Variants in AGAP1 observed in about 807,000 individuals in gnomAD.
AGAP1 encodes arf-GAP with GTPase, ANK repeat and PH domain-containing protein 1.
Under a neutral mutation model 105.3 loss-of-function variants are expected in AGAP1, and 29 were observed. The ratio of observed to expected loss-of-function variants is 0.28; its 90% confidence interval spans 0.21 to 0.38. The LOEUF is 0.38. AGAP1 is among the 10% of genes least tolerant of loss of function. AGAP1 has a pLI of 1.00. For synonymous variants in AGAP1, 509 were observed against 485.9 expected (o/e 1.05, Z -0.63); for missense variants, 998 against 1,165.1 (o/e 0.86, Z 2.09).
Position 236,094,616 on chromosome 2 carries a change from C to T in AGAP1, c.2115-25576C>T, listed in dbSNP as rs143521548. Among the ~76,000 whole-genome samples, 22 of 152,094 alleles carry T rather than the reference C, an allele frequency of 1.4e-4. No individual in the cohort carries two copies. The East Asian group carries it at 3.9e-3, about 27-fold the overall frequency. On this transcript the variant is annotated intron_variant, in intron 16 of 17. Coordinates refer to ENST00000304032, the MANE Select transcript of AGAP1 (RefSeq NM_001037131.3). Reference sequence around the variant, plus strand: ...ATCCTCCCATCTTGACCTCCCAAAGCGCTGGAATTACAGGCATGAGCACTG... The same window carrying T: ...ATCCTCCCATCTTGACCTCCCAAAGTGCTGGAATTACAGGCATGAGCACTG...
At chr2:236,093,703 C>T (rs1391586345) in intron 16 of AGAP1, among the ~76,000 whole-genome samples, 2 of 152,100 alleles carry the variant, frequency 1.3e-5, no homozygotes, top group African/African-American at 4.8e-5. Context: ...ATATGGACCA[C>T]ATATCAGTGG....
intron 3 of AGAP1, among the ~76,000 whole-genome samples, chr2:235,727,298 C>T (rs185712031): frequency 7.9e-5 from 12 of 151,594 alleles, no homozygotes; most frequent in Non-Finnish European, 1.3e-4. Flanking sequence ...AACCCTGTGT[C>T]TTCAGGGTTT....
chr2:235,682,045 GT>G (rs2149401490), intron 1 of AGAP1, among the ~76,000 whole-genome samples: 1 of 151,970 alleles, frequency 6.6e-6, no homozygotes, highest in East Asian at 1.9e-4. Context: ...TAGAGACAGG[GT>G]TTCACCATGT....
chr2:235,538,028 G>C (rs1304314926), intron 1 of AGAP1, among the ~76,000 whole-genome samples: 1 of 152,142 alleles, frequency 6.6e-6, no homozygotes, highest in Non-Finnish European at 1.5e-5. Context: ...AATATGCGTG[G>C]TAGAGCCATT....
chr2:235,956,231 C>T (rs1270644905), intron 12 of AGAP1, among the ~76,000 whole-genome samples: 2 of 152,192 alleles, frequency 1.3e-5, no homozygotes, highest in East Asian at 3.9e-4. Context: ...TTCATTTCCA[C>T]CTAACAGCGC....
chr2:236,093,682 G>A (rs1024731500), intron 16 of AGAP1, among the ~76,000 whole-genome samples: 2 of 152,240 alleles, frequency 1.3e-5, no homozygotes, highest in Non-Finnish European at 2.9e-5. Flanking sequence ...GGATAATTTG[G>A]TGAAAACTGA....
In AGAP1 at chr2:236,090,502, G is replaced by A. The variant is rs1576280862; in HGVS notation, c.2115-29690G>A. The stretch of plus-strand genomic sequence containing the variant: ...GCCCCAAAGAGACTGTGAAGGGAGG[G>A]AACAGAGGCATGGAAAAGCAAACGG... On this transcript the variant is annotated intron_variant, in intron 16 of 17. Coordinates refer to ENST00000304032, the MANE Select transcript of AGAP1 (RefSeq NM_001037131.3). This position sits in a 1 kb window ranked among gnomAD's most constrained non-coding sequence, Gnocchi z 4.3. 6.6e-6 allele frequency among the ~76,000 whole-genome samples: 1 copy of A among 152,140 alleles called. No homozygotes were observed. The highest frequency in any genetic ancestry group is 1.5e-5 in the Non-Finnish European group (1 of 68,002).
rs1575190072 is a variant in AGAP1, at chr2:235,709,377, A to G, written c.222+140A>G. 12 of 981,000 alleles carry G rather than the reference A, an allele frequency of 1.2e-5. No homozygotes were observed. The East Asian group carries it at 2.9e-4, about 24-fold the overall frequency. 60.8% of individuals were successfully genotyped at this position (981,000 alleles called of 1,614,324 possible). On this transcript the variant is annotated intron_variant, in intron 2 of 17. Coordinates refer to ENST00000304032, the MANE Select transcript of AGAP1 (RefSeq NM_001037131.3). ...TCTGGGTGTGTTCCTGGGAAGGGCCAGGTATAGTTGATAGCTTGGGACTAG... is the reference window on the plus strand; with the variant it reads ...TCTGGGTGTGTTCCTGGGAAGGGCCGGGTATAGTTGATAGCTTGGGACTAG...
intron 13 of AGAP1, among the ~76,000 whole-genome samples, chr2:235,975,923 T>A (rs565412068): frequency 1.3e-5 from 2 of 152,352 alleles, no homozygotes; most frequent in Non-Finnish European, 2.9e-5. Flanking sequence ...TTAAACTTCC[T>A]TATTAGCAAA....
chr2:235,586,314 C>T lies in AGAP1; in HGVS notation c.163+91465C>T, dbSNP rs1234725392. 6.6e-6 allele frequency among the ~76,000 whole-genome samples: 1 copy of T among 152,180 alleles called. No individual in the cohort carries two copies. Among genetic ancestry groups the T allele is most frequent in the Non-Finnish European group, 1.5e-5 (1 of 68,036 alleles). On this transcript the variant is annotated intron_variant, in intron 1 of 17. Coordinates refer to ENST00000304032, the MANE Select transcript of AGAP1 (RefSeq NM_001037131.3). The surrounding 1 kb of genome is among the most constrained non-coding windows in gnomAD (Gnocchi z 4.2). ...CCACCCACTTTGCCCTCTGCACGCT[C>T]ACTCCACGAAGGATGCAGGTGGGCA...
At chr2:235,592,571 G>A (rs1272198949) in intron 1 of AGAP1, among the ~76,000 whole-genome samples, 1 of 152,150 alleles carries the variant, frequency 6.6e-6, no homozygotes, top group Admixed American at 6.5e-5. Flanking sequence ...CAGCCAATCA[G>A]GCCTTCCTTT....
chr2:235,753,333 T>G lies in AGAP1; in HGVS notation c.673+2845T>G, dbSNP rs557246224. Among the ~76,000 whole-genome samples the G allele has an allele frequency of 3.3e-5, 5 of 152,340 alleles. No homozygotes were observed. Among genetic ancestry groups the G allele is most frequent in the African/African-American group, 1.2e-4 (5 of 41,588 alleles). ...TGTCGCACCTCCCCAGGTGATGCTGTGATGAGTGTCCGTTTTCATGGGCAC... is the reference window on the plus strand; with the variant it reads ...TGTCGCACCTCCCCAGGTGATGCTGGGATGAGTGTCCGTTTTCATGGGCAC... On this transcript the variant is annotated intron_variant, in intron 6 of 17. Coordinates refer to ENST00000304032, the MANE Select transcript of AGAP1 (RefSeq NM_001037131.3). This position sits in a 1 kb window ranked among gnomAD's most constrained non-coding sequence, Gnocchi z 4.5.
rs149148713 is a variant in AGAP1 at position 235,963,323 on chromosome 2, G to A, written c.1484-5139G>A. The stretch of plus-strand genomic sequence containing the variant: ...ACGTGCCATTTTGATTTCCAGAAAC[G>A]TGAATTCTGAGCTAGATGCCAGTGA... On this transcript the variant is annotated intron_variant, in intron 12 of 17. Transcript: ENST00000304032. This position sits in a 1 kb window ranked among gnomAD's most constrained non-coding sequence, Gnocchi z 5.1. 8.2e-4 allele frequency among the ~76,000 whole-genome samples: 125 copies of A among 152,306 alleles called. No homozygotes were observed. The highest frequency in any genetic ancestry group is 2.8e-3 in the African/African-American group (116 of 41,564).
At chr2:235,925,463 G>A (rs933756862) in intron 11 of AGAP1, among the ~76,000 whole-genome samples, 1 of 152,104 alleles carries the variant, frequency 6.6e-6, no homozygotes, top group Non-Finnish European at 1.5e-5. Flanking sequence ...GCATTACTGG[G>A]GCTGAGGGTT....
Position 236,038,819 on chromosome 2 carries a change from ATGTGTGTGTG to A in AGAP1, c.1801-1911_1801-1902del, listed in dbSNP as rs3030744. ...GAGAGACAGAGGCACATCCCTTTGTATGTGTGTGTGTGTGTGTGTGTGTGTGTGTGATCAC... is the reference window on the plus strand; with the variant it reads ...GAGAGACAGAGGCACATCCCTTTGTATGTGTGTGTGTGTGTGTGTGATCAC... On this transcript the variant is annotated intron_variant, in intron 14 of 17. Coordinates refer to ENST00000304032, the MANE Select transcript of AGAP1 (RefSeq NM_001037131.3). This position sits in a 1 kb window ranked among gnomAD's most constrained non-coding sequence, Gnocchi z 4.5. Among the ~76,000 whole-genome samples the A allele has an allele frequency of 6.3e-5, 6 of 95,748 alleles. No individual in the cohort carries two copies. The highest frequency in any genetic ancestry group is 3.5e-4 in the East Asian group (1 of 2,876). 62.8% of individuals were successfully genotyped at this position (95,748 alleles called of 152,430 possible). A position where few individuals can be genotyped will look rare whatever the true frequency, so the allele number is the denominator to read the frequency against.
rs541342374 is a variant in AGAP1, at chr2:235,994,680, G to A, written c.1645+26057G>A. Among the ~76,000 whole-genome samples, 100 of 150,246 alleles carry A rather than the reference G, an allele frequency of 6.7e-4. No individual in the cohort carries two copies. In the South Asian group the frequency reaches 0.012, roughly 18 times the overall value. On this transcript the variant is annotated intron_variant, in intron 13 of 17. Coordinates refer to ENST00000304032, the MANE Select transcript of AGAP1 (RefSeq NM_001037131.3). The surrounding 1 kb of genome is among the most constrained non-coding windows in gnomAD (Gnocchi z 4.4). ...GCAGCAGTGGAGAGCTCGGCTCAAA[G>A]TGCGAAGTTGTTTAGATTTCCACGT...
intron 1 of AGAP1, among the ~76,000 whole-genome samples, chr2:235,537,724 C>T (rs79660776): frequency 3.3e-5 from 5 of 152,156 alleles, no homozygotes; most frequent in South Asian, 2.1e-4. Flanking sequence ...TCAGCAATTG[C>T]GATACCATTG....
Position 235,994,448 on chromosome 2 carries a change from T to A in AGAP1, c.1645+25825T>A, listed in dbSNP as rs1167410781. 1.3e-5 allele frequency among the ~76,000 whole-genome samples: 2 copies of A among 152,192 alleles called. No individual in the cohort carries two copies. Among genetic ancestry groups the A allele is most frequent in the Admixed American group, 1.3e-4 (2 of 15,290 alleles). ...CTTAGTGCTTGTACTTGTGTGCCTC[T>A]TGGAGTTACTTGTTGATAGGACAGC... On this transcript the variant is annotated intron_variant, in intron 13 of 17. Transcript: ENST00000304032. This position sits in a 1 kb window ranked among gnomAD's most constrained non-coding sequence, Gnocchi z 4.4.
intron 1 of AGAP1, among the ~76,000 whole-genome samples, chr2:235,704,978 T>C (rs1288717744): frequency 1.2e-4 from 16 of 129,330 alleles, no homozygotes; most frequent in African/African-American, 4.1e-4. Flanking sequence ...TCTTTTTTTT[T>C]TTTTTTTTTT....
Sources: gnomAD v4.1 joint callset for allele counts (sites outside exome capture counted in the v4.1 genomes callset) on GRCh38, gnomAD v4.1.1 for gene constraint, Gnocchi (gnomAD v3.1) non-coding constraint, MANE v1.5 for transcripts, NCBI Gene and HGNC (gene_info 2026-07-23, HGNC 2026-07-21) for gene names.